DIP2B: variants seen among roughly 807,000 people sequenced by gnomAD.
The protein encoded by DIP2B is DIP2 acetate--CoA ligase B (putative).
DIP2B carries 76 observed loss-of-function variants against 198.0 expected under a neutral mutation model. The ratio of observed to expected loss-of-function variants is 0.38; its 90% CI spans 0.32 to 0.46. The LOEUF (loss-of-function observed/expected upper bound fraction) is 0.46, where lower values mean the gene tolerates loss of function less well. Ranked by LOEUF, DIP2B falls within the 20% of genes least tolerant of loss-of-function variation. DIP2B has a pLI of 0.99. For synonymous variants in DIP2B, 701 were observed against 739.1 expected (o/e 0.95, Z 0.84); for missense variants, 1,559 against 1,978.4 (o/e 0.79, Z 4.02).
chr12:50,644,711 ATTCGT>A (rs981733737), intron 3 of DIP2B, among the ~76,000 whole-genome samples: 1 of 152,128 alleles, frequency 6.6e-6, no homozygotes, highest in Non-Finnish European at 1.5e-5. Flanking sequence ...GGGTGGCTTG[ATTCGT>A]TTTGTAATCT....
intron 1 of DIP2B, among the ~76,000 whole-genome samples, chr12:50,601,617 C>A (rs1019736541): frequency 6.6e-6 from 1 of 152,038 alleles, no homozygotes; most frequent in African/African-American, 2.4e-5. Flanking sequence ...GGATTACAGG[C>A]GTGAGCCACC....
intron 5 of DIP2B, among the ~76,000 whole-genome samples, chr12:50,674,006 T>C (rs1451111288): frequency 6.6e-6 from 1 of 152,172 alleles, no homozygotes; most frequent in Non-Finnish European, 1.5e-5. Flanking sequence ...CCTGACCCAC[T>C]TTCAAGATAC....
chr12:50,678,446 T>G (rs1347163061), intron 7 of DIP2B, among the ~76,000 whole-genome samples: 1 of 152,178 alleles, frequency 6.6e-6, no homozygotes, highest in African/African-American at 2.4e-5. Context: ...GTGATTTGCT[T>G]TGTCAGGGTC....
At chr12:50,728,119 G>A (rs1307427537) in intron 29 of DIP2B, among the ~76,000 whole-genome samples, 1 of 152,214 alleles carries the variant, frequency 6.6e-6, no homozygotes, top group Non-Finnish European at 1.5e-5. Context: ...GGTGGCTCAC[G>A]CCTGTTATCC....
At position 50,692,957 on chromosome 12, in the gene DIP2B, A is replaced by G. The variant is rs1253955282; in HGVS notation, c.1663A>G (p.Ile555Val). The change falls in exon 14 of 38, where the codon ATA becomes GTA. Residue 555 changes from isoleucine to valine, a missense_variant. By Grantham distance (29) the Ile-to-Val change is conservative. Transcript: ENST00000301180. The stretch of plus-strand genomic sequence containing the variant: ...TATTTTTTCTATTTTAGGGGAAACA[A>G]TAGTAAATGTCTTAGACTTTAAGAA... Reference protein sequence around the residue: ...QACNYSEGETIVNVLDFKKDA... With the variant: ...QACNYSEGETVVNVLDFKKDA... 7 of 1,608,496 alleles carry G rather than the reference A, an allele frequency of 4.4e-6. No individual in the cohort carries two copies. The African/African-American group carries it at 6.7e-5, about 15-fold the overall frequency.
At chr12:50,664,303 A>G (rs1592116917) in intron 4 of DIP2B, among the ~76,000 whole-genome samples, 1 of 152,252 alleles carries the variant, frequency 6.6e-6, no homozygotes, top group East Asian at 1.9e-4. Flanking sequence ...TTTTGTTCAC[A>G]AATCACCTGA....
chr12:50,626,873 T>C (rs900564402), intron 2 of DIP2B, among the ~76,000 whole-genome samples: 1 of 151,814 alleles, frequency 6.6e-6, no homozygotes, highest in African/African-American at 2.4e-5. Flanking sequence ...GGCCTGTAAA[T>C]ATTTGTTGAA....
chr12:50,746,929 A>G lies in DIP2B; in HGVS notation c.*2090A>G, dbSNP rs1453761460. 4.6e-5 allele frequency: 7 copies of G among 152,164 alleles called. No individual in the cohort carries two copies. The highest frequency in any genetic ancestry group is 8.8e-5 in the Non-Finnish European group (6 of 68,036). 9.4% of individuals were successfully genotyped at this position (152,164 alleles called of 1,614,324 possible). A position where few individuals can be genotyped will look rare whatever the true frequency, so the allele number is the denominator to read the frequency against. On this transcript the variant is annotated 3_prime_UTR_variant, in exon 38 of 38. Coordinates refer to ENST00000301180, the MANE Select transcript of DIP2B (RefSeq NM_173602.3). ...CAGATTAGGGTATAGGCATCTAGAG[A>G]TGCACTGTCCACTGTAAATACTATA...
Position 50,505,161 on chromosome 12 carries a change from G to A in DIP2B, c.21G>A (p.Glu7=). The change falls in exon 1 of 38, where the codon GAG becomes GAA. Residue 7 remains glutamate, a synonymous_variant. Coordinates refer to ENST00000301180, the MANE Select transcript of DIP2B (RefSeq NM_173602.3). MAERGL[E]PSPAAVAALP... The stretch of plus-strand genomic sequence containing the variant: ...CTGGGATGGCGGAACGAGGCCTGGA[G>A]CCGTCGCCGGCCGCGGTGGCGGCGC... The A allele has an allele frequency of 6.5e-7, 1 of 1,527,340 alleles. No individual in the cohort carries two copies. Among genetic ancestry groups the A allele is most frequent in the Non-Finnish European group, 8.8e-7 (1 of 1,142,652 alleles). The allele number at this position is 1,527,340 out of a possible 1,614,324, so 94.6% of individuals were successfully genotyped here.
intron 3 of DIP2B, among the ~76,000 whole-genome samples, chr12:50,648,664 CCTTTTT>C (rs1565858043): frequency 1.4e-5 from 2 of 140,496 alleles, no homozygotes; most frequent in Admixed American, 7.1e-5. Flanking sequence ...CGCCCAGCCC[CCTTTTT>C]TTTTTTTTTT....
chr12:50,539,200 C>G (rs66644594), intron 1 of DIP2B, among the ~76,000 whole-genome samples: 40,887 of 150,830 alleles, frequency 0.27, 6,290 homozygotes, highest in Non-Finnish European at 0.35. Context: ...CTCTTTCATC[C>G]CGTTTGGCTC....
Position 50,704,133 on chromosome 12 carries a change from C to G in DIP2B, c.2326-7C>G, listed in dbSNP as rs758994756. On this transcript the variant is annotated splice_region_variant and splice_polypyrimidine_tract_variant and intron_variant, in intron 19 of 37. Transcript: ENST00000301180. ...AAGTTTTTCACTTACTTCATTTTGT[C>G]TCTTAGGTAATTCCAGTGAATTCTG... 6.2e-7 allele frequency: 1 copy of G among 1,603,272 alleles called. No homozygotes were observed. The highest frequency in any genetic ancestry group is 8.5e-7 in the Non-Finnish European group (1 of 1,177,772).
intron 13 of DIP2B, among the ~76,000 whole-genome samples, chr12:50,691,714 A>G (rs991150459): frequency 6.6e-6 from 1 of 152,108 alleles, no homozygotes; most frequent in Non-Finnish European, 1.5e-5. Flanking sequence ...TTATATATAT[A>G]TACGCACACA....
Position 50,678,717 on chromosome 12 carries a change from C to T in DIP2B, c.955C>T (p.Arg319Trp), listed in dbSNP as rs746713840. 21 of 1,614,148 alleles carry T rather than the reference C, an allele frequency of 1.3e-5. No individual in the cohort carries two copies. The highest frequency in any genetic ancestry group is 5.5e-5 in the South Asian group (5 of 91,074). Residue 319 changes from arginine to tryptophan, a missense_variant, in exon 8 of 38, where the codon CGG (arginine) becomes TGG (tryptophan). Transcript: ENST00000301180. ...PDPNQPKPEGRQMTPVKGEPL... is the reference protein window; with the variant it reads ...PDPNQPKPEGWQMTPVKGEPL... ...CCCCAACCAGCCCAAGCCGGAGGGA[C>T]GGCAGATGACCCCTGTGAAAGGAGA...
Position 50,697,098 on chromosome 12 carries a change from C to G in DIP2B, c.1971C>G (p.Phe657Leu). The change falls in exon 17 of 38, where the codon TTC becomes TTG. Residue 657 changes from phenylalanine (F) to leucine (L), a missense_variant. Physicochemically the swap from Phe to Leu is conservative, Grantham distance 22. Transcript: ENST00000301180. ...CCTGTGATGCCTTCCTGAGTCTGTT[C>G]CAAAGTCATGGACTGAAGCCTGAGG... ...VSSCDAFLSL[F>L]QSHGLKPEAI... 1 of 1,614,120 alleles carries G rather than the reference C, an allele frequency of 6.2e-7. No homozygotes were observed. Among genetic ancestry groups the G allele is most frequent in the South Asian group, 1.1e-5 (1 of 91,082 alleles).
chr12:50,509,426 G>A (rs908945352), intron 1 of DIP2B, among the ~76,000 whole-genome samples: 12 of 152,220 alleles, frequency 7.9e-5, no homozygotes, highest in African/African-American at 2.7e-4. Flanking sequence ...ACAGTCCAAA[G>A]ATGACAACTG....
intron 1 of DIP2B, among the ~76,000 whole-genome samples, chr12:50,558,273 A>G (rs1240756993): frequency 2.0e-5 from 3 of 152,220 alleles, no homozygotes; most frequent in Non-Finnish European, 2.9e-5. Flanking sequence ...TAGATATGAC[A>G]TTGTTTTGAT....
At chr12:50,655,754 T>C (rs1039219512) in intron 3 of DIP2B, among the ~76,000 whole-genome samples, 5 of 151,942 alleles carry the variant, frequency 3.3e-5, no homozygotes, top group African/African-American at 1.2e-4. Flanking sequence ...CCAAGGCGGG[T>C]GGATTGCTTG....
chr12:50,646,416 TTGTC>T (rs1160971049), intron 3 of DIP2B, among the ~76,000 whole-genome samples: 2 of 143,098 alleles, frequency 1.4e-5, no homozygotes, highest in East Asian at 4.2e-4. Flanking sequence ...CCACTGCGCT[TTGTC>T]TATTATTATT....
Sources: allele counts gnomAD v4.1 joint callset (sites outside exome capture counted in the v4.1 genomes callset), GRCh38; gene constraint gnomAD v4.1.1; transcripts MANE v1.5; gene names NCBI Gene and HGNC (gene_info 2026-07-23, HGNC 2026-07-21).